The following PTPRD variants were observed in gnomAD, a reference collection of about 807,000 sequenced individuals.
PTPRD encodes the protein receptor-type tyrosine-protein phosphatase delta.
PTPRD carries 34 observed loss-of-function variants against 214.5 expected under a neutral mutation model. The ratio of observed to expected loss-of-function variants is 0.16; its 90% CI spans 0.12 to 0.21. PTPRD has a LOEUF of 0.21. PTPRD is among the 10% of genes least tolerant of loss of function. The pLI is 1.00. For missense variants in PTPRD, 2,545 were observed against 2,398.7 expected (o/e 1.06, Z -1.27); for synonymous variants, 1,128 against 845.7 (o/e 1.33, Z -5.79).
chr9:9,425,204 T>A (rs1300635940), intron 8 of PTPRD, among the ~76,000 whole-genome samples: 2 of 151,948 alleles, frequency 1.3e-5, no homozygotes, highest in African/African-American at 4.8e-5. Flanking sequence ...ATTGTGGTGA[T>A]GCTTGGCTCC....
intron 34 of PTPRD, among the ~76,000 whole-genome samples, chr9:8,444,271 T>C (rs2095645663): frequency 6.6e-6 from 1 of 152,186 alleles, no homozygotes; most frequent in East Asian, 1.9e-4. Flanking sequence ...ATCATTGTCA[T>C]TATCTGTTAA....
chr9:8,593,618 A>G (rs1188647561), intron 14 of PTPRD, among the ~76,000 whole-genome samples: 1 of 152,242 alleles, frequency 6.6e-6, no homozygotes, highest in Non-Finnish European at 1.5e-5. Flanking sequence ...TAATAGCAGA[A>G]ATGTCTCACA....
chr9:9,718,107 T>C (rs533324427), intron 7 of PTPRD, among the ~76,000 whole-genome samples: 1 of 152,314 alleles, frequency 6.6e-6, no homozygotes, highest in Admixed American at 6.5e-5. Flanking sequence ...ATTTTACAAA[T>C]ATCCTTCTTT....
chr9:10,091,678 C>CA, intron 3 of PTPRD, among the ~76,000 whole-genome samples: 1 of 151,492 alleles, frequency 6.6e-6, no homozygotes, highest in Non-Finnish European at 1.5e-5. Context: ...TTGATTTGGA[C>CA]ATTTTCTTGC....
intron 3 of PTPRD, among the ~76,000 whole-genome samples, chr9:10,114,590 A>G (rs1030866495): frequency 1.3e-5 from 2 of 152,102 alleles, no homozygotes; most frequent in African/African-American, 4.8e-5. Context: ...GTGTATATAT[A>G]TATGCATGCA....
intron 8 of PTPRD, among the ~76,000 whole-genome samples, chr9:9,565,223 TAAAC>T (rs977244243): frequency 3.9e-4 from 59 of 152,076 alleles, no homozygotes; most frequent in Admixed American, 3.3e-3. Flanking sequence ...TTTGCAACTC[TAAAC>T]AAACCTTTTT....
At chr9:8,916,008 T>C (rs538959444) in intron 11 of PTPRD, among the ~76,000 whole-genome samples, 6 of 152,254 alleles carry the variant, frequency 3.9e-5, no homozygotes, top group African/African-American at 1.2e-4. Flanking sequence ...TGTGAACAAC[T>C]TGATAGCTGG....
intron 11 of PTPRD, among the ~76,000 whole-genome samples, chr9:8,811,518 A>T (rs533847246): frequency 1.2e-4 from 18 of 152,208 alleles, no homozygotes; most frequent in Non-Finnish European, 2.1e-4. Context: ...ACCATAACCC[A>T]AGCCCAATCG....
chr9:10,431,776 T>C (rs2098681707), intron 2 of PTPRD, among the ~76,000 whole-genome samples: 1 of 151,956 alleles, frequency 6.6e-6, no homozygotes, highest in South Asian at 2.1e-4. Context: ...CATTAAAAAG[T>C]CAGGAAATAA....
At chr9:9,819,824 T>C (rs886724619) in intron 5 of PTPRD, among the ~76,000 whole-genome samples, 4 of 151,630 alleles carry the variant, frequency 2.6e-5, no homozygotes, top group Admixed American at 2.6e-4. Context: ...AAGGACACAA[T>C]TTTTTTTTCT....
intron 5 of PTPRD, among the ~76,000 whole-genome samples, chr9:9,802,960 G>C (rs563280059): frequency 1.7e-4 from 26 of 151,798 alleles, no homozygotes; most frequent in South Asian, 1.0e-3. Flanking sequence ...TTTAAGCATG[G>C]TAAATTTACT....
At chr9:8,842,448 A>G (rs994476010) in intron 11 of PTPRD, among the ~76,000 whole-genome samples, 1 of 152,234 alleles carries the variant, frequency 6.6e-6, no homozygotes, top group East Asian at 1.9e-4. Flanking sequence ...TCCCTTTACA[A>G]CTGTATTAGA....
At chr9:8,864,451 A>G (rs1347212669) in intron 11 of PTPRD, among the ~76,000 whole-genome samples, 1 of 152,220 alleles carries the variant, frequency 6.6e-6, no homozygotes, top group African/African-American at 2.4e-5. Context: ...AAACGAGAGT[A>G]AAACACGAAG....
chr9:8,908,880 A>C (rs906950674), intron 11 of PTPRD, among the ~76,000 whole-genome samples: 4 of 151,204 alleles, frequency 2.6e-5, no homozygotes, highest in South Asian at 4.1e-4. Context: ...CTACAGAAAG[A>C]AGACCTATCA....
intron 8 of PTPRD, among the ~76,000 whole-genome samples, chr9:9,465,801 G>A (rs772411140): frequency 4.6e-5 from 7 of 151,974 alleles, no homozygotes; most frequent in Non-Finnish European, 8.8e-5. Flanking sequence ...GGGAAGTGGC[G>A]ATTTGCTTCC....
intron 5 of PTPRD, among the ~76,000 whole-genome samples, chr9:9,832,917 A>AG (rs2055391324): frequency 1.3e-5 from 2 of 151,228 alleles, no homozygotes; most frequent in East Asian, 1.9e-4. Context: ...CATATGAGAG[A>AG]GGAAAAAAAG....
At chr9:10,136,419 G>A (rs948926115) in intron 3 of PTPRD, among the ~76,000 whole-genome samples, 18 of 151,960 alleles carry the variant, frequency 1.2e-4, no homozygotes, top group Admixed American at 6.6e-4. Context: ...CCTAACAACC[G>A]CAAAGTACAC....
intron 14 of PTPRD, among the ~76,000 whole-genome samples, chr9:8,598,938 G>A (rs931513972): frequency 6.6e-6 from 1 of 152,252 alleles, no homozygotes. Context: ...GGAGACAAAG[G>A]TTGAACTTTA....
At chr9:9,766,160 C>T (rs1040795929) in intron 6 of PTPRD, among the ~76,000 whole-genome samples, 6 of 152,166 alleles carry the variant, frequency 3.9e-5, no homozygotes, top group African/African-American at 1.2e-4. Context: ...TCATCTTATA[C>T]ATTTTCTTTT....
Sources: gnomAD v4.1 joint callset for allele counts (sites outside exome capture counted in the v4.1 genomes callset) on GRCh38, gnomAD v4.1.1 for gene constraint, MANE v1.5 for transcripts, NCBI Gene and HGNC (gene_info 2026-07-23, HGNC 2026-07-21) for gene names.